SEC14L5: variants seen among roughly 807,000 people sequenced by gnomAD.
The protein encoded by SEC14L5 is SEC14 like lipid binding 5.
In SEC14L5, 96 loss-of-function variants were observed where a neutral mutation model predicts 84.6. The observed-to-expected ratio is 1.13, with a 90% CI of 0.96 to 1.34. SEC14L5 has a LOEUF of 1.34. SEC14L5 is among the 40% of genes most tolerant of loss of function. The pLI, the probability that SEC14L5 is intolerant of heterozygous loss-of-function variation, is 0.00. For synonymous variants in SEC14L5, 546 were observed against 383.4 expected (o/e 1.42, Z -4.95); for missense variants, 1,224 against 942.5 (o/e 1.30, Z -3.91).
At chr16:4,967,784 G>A (rs549216865) in intron 2 of SEC14L5, among the ~76,000 whole-genome samples, 20 of 150,580 alleles carry the variant, frequency 1.3e-4, no homozygotes, top group Non-Finnish European at 2.2e-4. Context: ...TGTTGGCCAG[G>A]CTGGTCTCCA....
At chr16:4,995,486 A>G (rs1955598972) in intron 6 of SEC14L5, among the ~76,000 whole-genome samples, 3 of 152,166 alleles carry the variant, frequency 2.0e-5, no homozygotes, top group Admixed American at 1.3e-4. Flanking sequence ...AAACCCCACA[A>G]TGGGGCCTGG....
chr16:4,978,512 A>G (rs1955377176), intron 2 of SEC14L5, among the ~76,000 whole-genome samples: 1 of 139,560 alleles, frequency 7.2e-6, no homozygotes, highest in South Asian at 2.3e-4. Context: ...TTGACCTTCT[A>G]TGCTCAAGCG....
intron 1 of SEC14L5, 38 bp from the exon 2 acceptor site, chr16:4,959,235 G>T: frequency 1.0e-6 from 1 of 990,336 alleles, no homozygotes; most frequent in East Asian, 2.4e-5. Context: ...GCTTCCCGAG[G>T]TGGGAGCTGC....
At chr16:4,995,190 C>T (rs1955596178) in intron 6 of SEC14L5, among the ~76,000 whole-genome samples, 1 of 152,236 alleles carries the variant, frequency 6.6e-6, no homozygotes, top group Non-Finnish European at 1.5e-5. Flanking sequence ...CTACAAAGAA[C>T]TGGCTCTGCC....
intron 6 of SEC14L5, 103 bp downstream of exon 6, chr16:4,992,133 C>T: frequency 1.2e-6 from 1 of 802,652 alleles, no homozygotes; most frequent in Non-Finnish European, 1.9e-6. Context: ...CCTGCCGTCC[C>T]CCCTGGGAAT....
rs568347592 is a variant in SEC14L5, at chr16:5,011,240, A to G, written c.1946A>G (p.Tyr649Cys). 1 of 1,613,750 alleles carries G rather than the reference A, an allele frequency of 6.2e-7. No homozygotes were observed. Among genetic ancestry groups the G allele is most frequent in the Non-Finnish European group, 8.5e-7 (1 of 1,179,846 alleles). ...HSPGPKCKLL[Y>C]YCEVLASEDF... ...CCCGGGCCCAAGTGCAAACTTCTCTACTACTGTGAGGTGCTCGCCTCTGAG... is the reference window on the plus strand; with the variant it reads ...CCCGGGCCCAAGTGCAAACTTCTCTGCTACTGTGAGGTGCTCGCCTCTGAG... The change falls in exon 15 of 16, where the codon TAC becomes TGC. Residue 649 changes from tyrosine to cysteine, a missense_variant. Tyr to Cys is a radical substitution (Grantham distance 194). Transcript: ENST00000251170.
rs909773462 is a variant in SEC14L5 at position 5,000,069 on chromosome 16, A to G, written c.971-586A>G. 2.9e-4 allele frequency among the ~76,000 whole-genome samples: 44 copies of G among 151,374 alleles called. 1 individual carries two copies. The highest frequency in any genetic ancestry group is 7.9e-4 in the Admixed American group (12 of 15,196). Reference sequence around the variant, plus strand: ...CACTTTGGGAGGCTGAGGTGGGTGTACACCTGAGGTCAGGAGTTTGAGACC... The same window carrying G: ...CACTTTGGGAGGCTGAGGTGGGTGTGCACCTGAGGTCAGGAGTTTGAGACC... On this transcript the variant is annotated intron_variant, in intron 8 of 15. Coordinates refer to ENST00000251170, the MANE Select transcript of SEC14L5 (RefSeq NM_014692.2).
At chr16:4,987,787 C>G in intron 3 of SEC14L5, 81 bp downstream of exon 3, 1 of 1,134,034 alleles carries the variant, frequency 8.8e-7, no homozygotes, top group Non-Finnish European at 1.2e-6. Flanking sequence ...AGCTGGGGAC[C>G]AGGGCGGCGG....
At chr16:4,988,114 C>G (rs1955513167) in intron 3 of SEC14L5, 35 bp from the exon 4 acceptor site, 1 of 1,610,722 alleles carries the variant, frequency 6.2e-7, no homozygotes, top group Non-Finnish European at 8.5e-7. Context: ...CCACGCCGCC[C>G]ACCCACCTCC....
intron 14 of SEC14L5, among the ~76,000 whole-genome samples, chr16:5,009,899 C>T (rs548488899): frequency 4.6e-5 from 7 of 151,902 alleles, no homozygotes; most frequent in South Asian, 2.1e-4. Context: ...AAATTGAAGC[C>T]GCAGGGAGAA....
intron 12 of SEC14L5, among the ~76,000 whole-genome samples, chr16:5,006,431 C>G (rs2142527727): frequency 6.6e-6 from 1 of 152,314 alleles, no homozygotes; most frequent in East Asian, 1.9e-4. Context: ...GTATCTGCAG[C>G]TCTGGACCCT....
chr16:4,982,965 A>G (rs1568120583), intron 2 of SEC14L5, among the ~76,000 whole-genome samples: 1 of 152,186 alleles, frequency 6.6e-6, no homozygotes, highest in Non-Finnish European at 1.5e-5. Context: ...ATATTCATAT[A>G]TAAAATAAAC....
At chr16:4,973,601 T>C (rs1204148288) in intron 2 of SEC14L5, among the ~76,000 whole-genome samples, 1 of 151,888 alleles carries the variant, frequency 6.6e-6, no homozygotes, top group African/African-American at 2.4e-5. Context: ...GCAACACAGA[T>C]GGGCTGAAAA....
At chr16:4,988,389 C>T in intron 4 of SEC14L5, 109 bp downstream of exon 4, 1 of 1,341,166 alleles carries the variant, frequency 7.5e-7, no homozygotes, top group Non-Finnish European at 1.0e-6. Context: ...CCAAGCCCTC[C>T]CTCCTGGGGC....
intron 3 of SEC14L5, 31 bp from the exon 4 acceptor site, chr16:4,988,118 C>G (rs1248883364): frequency 6.2e-7 from 1 of 1,610,702 alleles, no homozygotes; most frequent in African/African-American, 1.3e-5. Flanking sequence ...GCCGCCCACC[C>G]ACCTCCGCCT....
intron 8 of SEC14L5, among the ~76,000 whole-genome samples, chr16:4,999,436 C>T (rs1483036992): frequency 1.3e-5 from 2 of 152,046 alleles, no homozygotes; most frequent in Non-Finnish European, 2.9e-5. Flanking sequence ...GAGCTCGCCC[C>T]CCTCCACCAC....
chr16:4,974,312 C>T (rs998584222), intron 2 of SEC14L5, among the ~76,000 whole-genome samples: 4 of 151,704 alleles, frequency 2.6e-5, no homozygotes, highest in African/African-American at 7.3e-5. Flanking sequence ...AGCCATCCTC[C>T]CGCCCCAGCC....
rs781428450 is a variant in SEC14L5 at position 5,007,419 on chromosome 16, C to T, written c.1505C>T (p.Thr502Met). 2.2e-5 allele frequency: 36 copies of T among 1,613,552 alleles called. No homozygotes were observed. Among genetic ancestry groups the T allele is most frequent in the South Asian group, 2.2e-5 (2 of 91,064 alleles). ...ATGACAGAAGAGGAGCAGGAGCACA[C>T]GGACCAGCTGTGGCAGTGGAGTGAG... is the stretch of plus-strand genomic sequence containing the variant. ...LYMTEEEQEH[T>M]DQLWQWSETY... Residue 502 changes from threonine to methionine, a missense_variant, in exon 13 of 16, where the codon ACG (threonine) becomes ATG (methionine). Coordinates refer to ENST00000251170, the MANE Select transcript of SEC14L5 (RefSeq NM_014692.2).
chr16:4,975,824 GC>G (rs1955332858), intron 2 of SEC14L5, among the ~76,000 whole-genome samples: 1 of 152,186 alleles, frequency 6.6e-6, no homozygotes, highest in Admixed American at 6.5e-5. Flanking sequence ...GGCGATGGGG[GC>G]ACCTTACTCA....
Sources: allele counts gnomAD v4.1 joint callset (sites outside exome capture counted in the v4.1 genomes callset), GRCh38; gene constraint gnomAD v4.1.1; transcripts MANE v1.5; gene names NCBI Gene and HGNC (gene_info 2026-07-23, HGNC 2026-07-21).